The following THSD4 variants were observed in gnomAD, a reference collection of about 807,000 sequenced individuals.
THSD4 encodes thrombospondin type-1 domain-containing protein 4.
Under a neutral mutation model 119.0 loss-of-function variants are expected in THSD4, and 69 were observed. That is an observed-to-expected ratio of 0.58 (90% CI 0.48 to 0.71). The LOEUF is 0.71. Ranked by LOEUF, THSD4 falls within the 30% of genes least tolerant of loss-of-function variation. THSD4 has a pLI of 0.00. For synonymous variants in THSD4, 524 were observed against 540.4 expected (o/e 0.97, Z 0.42); for missense variants, 1,393 against 1,391.1 (o/e 1.00, Z -0.02).
At chr15:71,259,336 C>G (rs1196411927) in intron 6 of THSD4, among the ~76,000 whole-genome samples, 1 of 152,024 alleles carries the variant, frequency 6.6e-6, no homozygotes, top group Non-Finnish European at 1.5e-5. Flanking sequence ...GGACTGCCAG[C>G]CTCTAGAACT....
intron 8 of THSD4, among the ~76,000 whole-genome samples, chr15:71,728,122 C>T (rs1246260728): frequency 6.6e-6 from 1 of 152,028 alleles, no homozygotes; most frequent in Non-Finnish European, 1.5e-5. Context: ...TTTTTAATAA[C>T]ACTACAGAAG....
chr15:71,404,207 T>A (rs551368293), intron 6 of THSD4, among the ~76,000 whole-genome samples: 1 of 152,304 alleles, frequency 6.6e-6, no homozygotes, highest in African/African-American at 2.4e-5. Flanking sequence ...TTCCTTATCC[T>A]AAGAAGGAAG....
At chr15:71,495,131 T>C (rs1366619328) in intron 7 of THSD4, among the ~76,000 whole-genome samples, 1 of 152,192 alleles carries the variant, frequency 6.6e-6, no homozygotes, top group East Asian at 1.9e-4. Flanking sequence ...CACAGTTTCC[T>C]CGAAAGGTAG....
At position 71,115,710 on chromosome 15, in the gene THSD4, C is replaced by CGCGCGCCCCGCGTCCCCT. The variant is rs1394483316; in HGVS notation, c.-80+20_-80+37dup. The stretch of plus-strand genomic sequence containing the variant: ...ACGCGGACCGCCAGGTGAGCAGAGC[C>CGCGCGCCCCGCGTCCCCT]GCGCGCCCCGCGTCCCCTGCGCGCC... On this transcript the variant is annotated intron_variant, in intron 1 of 17. Transcript: ENST00000261862. This position sits in a 1 kb window ranked among gnomAD's most constrained non-coding sequence, Gnocchi z 4.4. The CGCGCGCCCCGCGTCCCCT allele has an allele frequency of 1.4e-5, 2 of 147,278 alleles. No individual in the cohort carries two copies. The highest frequency in any genetic ancestry group is 3.9e-4 in the East Asian group (2 of 5,114). 9.1% of individuals were successfully genotyped at this position (147,278 alleles called of 1,614,324 possible). A position where few individuals can be genotyped will look rare whatever the true frequency, so the allele number is the denominator to read the frequency against.
At chr15:71,461,370 T>C (rs937507926) in intron 7 of THSD4, among the ~76,000 whole-genome samples, 26 of 152,138 alleles carry the variant, frequency 1.7e-4, no homozygotes, top group Admixed American at 1.7e-3. Context: ...GTCCCAGAAG[T>C]CATACCCTGT....
chr15:71,588,417 T>TTAAA (rs2049729368), intron 7 of THSD4, among the ~76,000 whole-genome samples: 1 of 151,872 alleles, frequency 6.6e-6, no homozygotes, highest in Admixed American at 6.6e-5. Flanking sequence ...TTTAATTTTT[T>TTAAA]TTAATTTATT....
chr15:71,270,818 G>GGTGGTCAGTGAGT (rs1387116058), intron 6 of THSD4, among the ~76,000 whole-genome samples: 4 of 4,964 alleles, frequency 8.1e-4, no homozygotes, highest in African/African-American at 9.6e-4. Flanking sequence ...AGAGTGGTCA[G>GGTGGTCAGTGAGT]GTAGCCATCT....
At chr15:71,160,175 G>T (rs183571589) in intron 3 of THSD4, among the ~76,000 whole-genome samples, 1 of 151,430 alleles carries the variant, frequency 6.6e-6, no homozygotes, top group Non-Finnish European at 1.5e-5. Context: ...AATCCCACTT[G>T]ATATTAGTGA....
chr15:71,581,709 G>A (rs2049562101), intron 7 of THSD4, among the ~76,000 whole-genome samples: 1 of 152,120 alleles, frequency 6.6e-6, no homozygotes, highest in Non-Finnish European at 1.5e-5. Context: ...GTAGAGATAA[G>A]GGTTTGATTC....
chr15:71,166,756 C>A (rs2043298469), intron 3 of THSD4, among the ~76,000 whole-genome samples: 1 of 152,016 alleles, frequency 6.6e-6, no homozygotes, highest in Non-Finnish European at 1.5e-5. Flanking sequence ...TGTTTTGGTA[C>A]CTTTTTGTGT....
intron 7 of THSD4, among the ~76,000 whole-genome samples, chr15:71,473,805 A>G (rs1005179662): frequency 2.6e-5 from 4 of 152,234 alleles, no homozygotes; most frequent in African/African-American, 9.6e-5. Context: ...ACAGATGTGC[A>G]GGCCACCATC....
At chr15:71,522,213 C>T (rs796559729) in intron 7 of THSD4, among the ~76,000 whole-genome samples, 8 of 152,278 alleles carry the variant, frequency 5.3e-5, no homozygotes, top group African/African-American at 1.7e-4. Context: ...TACTTCAGGG[C>T]ACTTTCTTCT....
At chr15:71,736,219 CTCTG>C (rs2053101136) in intron 10 of THSD4, among the ~76,000 whole-genome samples, 2 of 150,662 alleles carry the variant, frequency 1.3e-5, no homozygotes, top group South Asian at 4.2e-4. Flanking sequence ...CTGTTGCTGT[CTCTG>C]TCTCTCTCTT....
intron 6 of THSD4, among the ~76,000 whole-genome samples, chr15:71,387,802 C>CT (rs1000580538): frequency 6.6e-6 from 1 of 152,196 alleles, no homozygotes; most frequent in Non-Finnish European, 1.5e-5. Context: ...GTCAGCACAG[C>CT]TTAGGAAAAG....
At chr15:71,709,742 G>C (rs887063175) in intron 8 of THSD4, among the ~76,000 whole-genome samples, 1 of 151,916 alleles carries the variant, frequency 6.6e-6, no homozygotes, top group African/African-American at 2.4e-5. Flanking sequence ...CTTATCTAAG[G>C]CATGGTTCCC....
chr15:71,421,494 C>G (rs775278597), intron 7 of THSD4, among the ~76,000 whole-genome samples: 1 of 152,184 alleles, frequency 6.6e-6, no homozygotes, highest in Non-Finnish European at 1.5e-5. Context: ...TGATGCCACT[C>G]TCTCCTGGCC....
At chr15:71,238,574 C>T (rs932020053) in intron 4 of THSD4, among the ~76,000 whole-genome samples, 1 of 152,184 alleles carries the variant, frequency 6.6e-6, no homozygotes, top group African/African-American at 2.4e-5. Flanking sequence ...TGGCTTCTTT[C>T]ACTTCTTTCA....
At chr15:71,709,368 A>G (rs939614539) in intron 8 of THSD4, among the ~76,000 whole-genome samples, 1 of 152,194 alleles carries the variant, frequency 6.6e-6, no homozygotes, top group Non-Finnish European at 1.5e-5. Context: ...AAAAAAAATC[A>G]AAGCGTTTTT....
intron 7 of THSD4, among the ~76,000 whole-genome samples, chr15:71,542,469 A>G (rs1051321025): frequency 6.6e-6 from 1 of 152,202 alleles, no homozygotes; most frequent in African/African-American, 2.4e-5. Context: ...ATCAGTGGTA[A>G]GTCATATTGA....
Sources: allele counts gnomAD v4.1 joint callset (sites outside exome capture counted in the v4.1 genomes callset), GRCh38; gene constraint gnomAD v4.1.1; non-coding constraint Gnocchi (gnomAD v3.1); transcripts MANE v1.5; gene names NCBI Gene and HGNC (gene_info 2026-07-23, HGNC 2026-07-21).